Variants in ASTL observed in about 807,000 individuals in gnomAD.
ASTL encodes the protein astacin-like metalloendopeptidase.
ASTL carries 27 observed loss-of-function variants against 36.7 expected under a neutral mutation model. The ratio of observed to expected loss-of-function variants is 0.73; its 90% CI spans 0.54 to 1.01. ASTL has a LOEUF of 1.01. Among genes scored for constraint, ASTL ranks in the 50% least tolerant of loss-of-function variants. The pLI is 0.00. For missense variants in ASTL, 524 were observed against 572.8 expected, an observed-to-expected ratio of 0.91 and a Z score of 0.87; for synonymous variants, 222 against 228.1, an observed-to-expected ratio of 0.97 and a Z score of 0.24.
intron 8 of ASTL, among the ~76,000 whole-genome samples, chr2:96,128,883 T>C (rs2104767360): frequency 6.6e-6 from 1 of 152,220 alleles, no homozygotes; most frequent in Middle Eastern, 3.4e-3. Flanking sequence ...CCACTAAAAA[T>C]ACAAAAATTA....
rs780331214 is a variant in ASTL, at chr2:96,130,015, C to T, written c.720-37G>A. On this transcript the variant is annotated intron_variant, in intron 7 of 8. Coordinates refer to ENST00000342380, the MANE Select transcript of ASTL (RefSeq NM_001002036.4). The stretch of plus-strand genomic sequence containing the variant: ...CGGGAGACCCCTGAGTCCAGATCAC[C>T]ACGGGAGAGGCTGGGGGAAGCAGAG... The T allele has an allele frequency of 2.5e-6, 4 of 1,613,268 alleles. No individual in the cohort carries two copies. In the South Asian group the frequency reaches 3.3e-5, roughly 13 times the overall value.
chr2:96,124,390 G>A lies in ASTL; in HGVS notation c.875-119C>T. 2.3e-6 allele frequency: 2 copies of A among 858,534 alleles called. No individual in the cohort carries two copies. The highest frequency in any genetic ancestry group is 1.7e-6 in the Non-Finnish European group (1 of 602,604). The allele number at this position is 858,534 out of a possible 1,614,324, so 53.2% of individuals were successfully genotyped here. Reference sequence around the variant, plus strand: ...TGGTGCCCACCCATGCCACGGCCTAGTGCATCCAAGACCCAGATTCCCACC... The same window carrying A: ...TGGTGCCCACCCATGCCACGGCCTAATGCATCCAAGACCCAGATTCCCACC... On this transcript the variant is annotated intron_variant, in intron 8 of 8. Transcript: ENST00000342380. This position sits in a 1 kb window ranked among gnomAD's most constrained non-coding sequence, Gnocchi z 4.1.
chr2:96,127,018 G>A (rs1319440193), intron 8 of ASTL, among the ~76,000 whole-genome samples: 1 of 152,138 alleles, frequency 6.6e-6, no homozygotes. Context: ...AAAAACCCAA[G>A]TGTCCCTCAA....
intron 1 of ASTL, 101 bp downstream of exon 1, chr2:96,138,281 C>A (rs1264054056): frequency 2.6e-6 from 3 of 1,142,026 alleles, no homozygotes; most frequent in African/African-American, 1.5e-5. Flanking sequence ...AGCTACTGAG[C>A]TCAGCTACAA....
Position 96,132,402 on chromosome 2 carries a change from G to T in ASTL, c.637+138C>A. On this transcript the variant is annotated intron_variant, in intron 6 of 8. Transcript: ENST00000342380. This position sits in a 1 kb window ranked among gnomAD's most constrained non-coding sequence, Gnocchi z 5.4. ...GGTACCAGGTACCAGACAGAAGTGA[G>T]ACCCCCACCTTCCCCACAGGAAGCA... 1 of 769,794 alleles carries T rather than the reference G, an allele frequency of 1.3e-6. No homozygotes were observed. Among genetic ancestry groups the T allele is most frequent in the Non-Finnish European group, 2.0e-6 (1 of 495,188 alleles). The allele number at this position is 769,794 out of a possible 1,614,324, so 47.7% of individuals were successfully genotyped here. A position where few individuals can be genotyped will look rare whatever the true frequency, so the allele number is the denominator to read the frequency against.
At chr2:96,128,731 G>A (rs1323905684) in intron 8 of ASTL, among the ~76,000 whole-genome samples, 1 of 152,160 alleles carries the variant, frequency 6.6e-6, no homozygotes, top group African/African-American at 2.4e-5. Flanking sequence ...TTTTCCTTCA[G>A]GGATGTCTTG....
In ASTL at chr2:96,137,821, G is replaced by A. The variant is rs2104780132; in HGVS notation, c.56-121C>T. On this transcript the variant is annotated intron_variant, in intron 1 of 8. Transcript: ENST00000342380. ...TAAGACTCAGTCCCTAGGAAGAGTA[G>A]GCTCCAGCACAAAGCCAAGGAGCCT... The A allele has an allele frequency of 5.7e-6, 6 of 1,043,746 alleles. No homozygotes were observed. The South Asian group carries it at 7.9e-5, about 14-fold the overall frequency. The allele number at this position is 1,043,746 out of a possible 1,614,324, so 64.7% of individuals were successfully genotyped here.
rs753291024 is a variant in ASTL at position 96,135,372 on chromosome 2, G to A, written c.222C>T (p.Ile74=). The A allele has an allele frequency of 3.6e-5, 58 of 1,614,050 alleles. 1 individual carries two copies. Among genetic ancestry groups the A allele is most frequent in the Admixed American group, 1.2e-4 (7 of 60,012 alleles). The change falls in exon 3 of 9, where the codon ATC becomes ATT. Residue 74 remains isoleucine, a synonymous_variant. Coordinates refer to ENST00000342380, the MANE Select transcript of ASTL (RefSeq NM_001002036.4). ...LEETPESSFL[I]EGDIIRPSPF... ...TCACCGGCCGGATGATGTCCCCCTC[G>A]ATGAGGAAGCTGCTCTCTGGGGTTT...
intron 2 of ASTL, among the ~76,000 whole-genome samples, chr2:96,136,550 G>A (rs75674705): frequency 2.0e-5 from 3 of 152,194 alleles, no homozygotes; most frequent in Non-Finnish European, 2.9e-5. Context: ...GACCACTCAC[G>A]GTGATCCAGG....
Position 96,124,373 on chromosome 2 carries a change from AC to A in ASTL, c.875-103del. The stretch of plus-strand genomic sequence containing the variant: ...GGCTCAGCTCACAGGAGTGGTGCCC[AC>A]CCATGCCACGGCCTAGTGCATCCAA... On this transcript the variant is annotated intron_variant, in intron 8 of 8. Coordinates refer to ENST00000342380, the MANE Select transcript of ASTL (RefSeq NM_001002036.4). The surrounding 1 kb of genome is among the most constrained non-coding windows in gnomAD (Gnocchi z 4.1). 2 of 1,086,436 alleles carry A rather than the reference AC, an allele frequency of 1.8e-6. No homozygotes were observed. Among genetic ancestry groups the A allele is most frequent in the Non-Finnish European group, 1.2e-6 (1 of 801,824 alleles). The allele number at this position is 1,086,436 out of a possible 1,614,324, so 67.3% of individuals were successfully genotyped here. A position where few individuals can be genotyped will look rare whatever the true frequency, so the allele number is the denominator to read the frequency against.
intron 8 of ASTL, among the ~76,000 whole-genome samples, chr2:96,126,675 G>T (rs894508384): frequency 2.0e-5 from 3 of 152,070 alleles, no homozygotes; most frequent in Non-Finnish European, 4.4e-5. Flanking sequence ...GACCAACATG[G>T]TGAAACCCCA....
rs1219000337 is a variant in ASTL at position 96,129,835 on chromosome 2, G to A, written c.863C>T (p.Pro288Leu). The A allele has an allele frequency of 1.9e-6, 3 of 1,558,752 alleles. No homozygotes were observed. The African/African-American group carries it at 4.1e-5, about 21-fold the overall frequency. Reference protein sequence around the residue: ...LYGCSPSGPRPRGRGSHAHST... With the variant: ...LYGCSPSGPRLRGRGSHAHST... ...GCCATGCCACTCACCTCTCCCACGG[G>A]GCCTGGGGCCACTTGGGCTGCAGCC... is the stretch of plus-strand genomic sequence containing the variant. The change falls in exon 8 of 9, where the codon CCC becomes CTC. Residue 288 changes from proline to leucine, a missense_variant. Transcript: ENST00000342380.
At chr2:96,133,600 G>A (rs1369742931) in intron 4 of ASTL, 58 bp from the exon 5 acceptor site, 43 of 1,229,114 alleles carry the variant, frequency 3.5e-5, no homozygotes, top group Admixed American at 2.5e-4. Flanking sequence ...AGCTCTACCT[G>A]AGGGTCTGGG....
rs747694188 is a variant in ASTL at position 96,124,030 on chromosome 2, T to G, written c.1116A>C (p.Ser372=). Residue 372 remains serine, a synonymous_variant, in exon 9 of 9, where the codon TCA becomes TCC. Transcript: ENST00000342380. This position sits in a 1 kb window ranked among gnomAD's most constrained non-coding sequence, Gnocchi z 4.1. ...QPQTLASSPR[S]RPGAGAPGVA... is the part of the protein sequence containing the mutation. ...CACCGGGGGCACCTGCTCCAGGCCT[T>G]GATCTTGGGGAGGAAGCTAGGGTCT... 1 of 1,613,966 alleles carries G rather than the reference T, an allele frequency of 6.2e-7. No individual in the cohort carries two copies. Among genetic ancestry groups the G allele is most frequent in the South Asian group, 1.1e-5 (1 of 91,076 alleles).
rs867754185 is a variant in ASTL, at chr2:96,124,967, C to T, written c.875-696G>A. On this transcript the variant is annotated intron_variant, in intron 8 of 8. Transcript: ENST00000342380. The surrounding 1 kb of genome is among the most constrained non-coding windows in gnomAD (Gnocchi z 4.1). ...GTCCTGTTAGCCTCACAGCCCACAC[C>T]GCCCTCCAGACCTGGTCAGCACCAG... is the stretch of plus-strand genomic sequence containing the variant. Among the ~76,000 whole-genome samples, 36 of 152,320 alleles carry T rather than the reference C, an allele frequency of 2.4e-4. No homozygotes were observed. The highest frequency in any genetic ancestry group is 6.8e-3 in the Middle Eastern group (2 of 294).
intron 8 of ASTL, among the ~76,000 whole-genome samples, chr2:96,128,103 G>A (rs1405132170): frequency 4.0e-5 from 6 of 149,848 alleles, no homozygotes; most frequent in East Asian, 2.0e-4. Flanking sequence ...ATGGTGGTGC[G>A]TGACTGTAAT....
chr2:96,123,006 T>C lies in ASTL; in HGVS notation c.*844A>G, dbSNP rs1044654985. Reference sequence around the variant, plus strand: ...TTCTTCATGCCTGGGACAAACCTCATGGGGAAAGCCGGAGCTGGGGCAGAG... The same window carrying C: ...TTCTTCATGCCTGGGACAAACCTCACGGGGAAAGCCGGAGCTGGGGCAGAG... On this transcript the variant is annotated 3_prime_UTR_variant, in exon 9 of 9. Coordinates refer to ENST00000342380, the MANE Select transcript of ASTL (RefSeq NM_001002036.4). 1.3e-5 allele frequency among the ~76,000 whole-genome samples: 2 copies of C among 152,170 alleles called. No homozygotes were observed. Among genetic ancestry groups the C allele is most frequent in the Non-Finnish European group, 2.9e-5 (2 of 68,024 alleles).
In ASTL at chr2:96,122,971, C is replaced by T. The variant is rs72825837; in HGVS notation, c.*879G>A. On this transcript the variant is annotated 3_prime_UTR_variant, in exon 9 of 9. Coordinates refer to ENST00000342380, the MANE Select transcript of ASTL (RefSeq NM_001002036.4). ...CTGGCCTAGGCCCACTCATTGGCAC[C>T]CTGGATGCTTTCTTCATGCCTGGGA... Among the ~76,000 whole-genome samples, 4,909 of 152,314 alleles carry T rather than the reference C, an allele frequency of 0.032. 101 individuals are homozygous for T. The highest frequency in any genetic ancestry group is 0.054 in the Middle Eastern group (16 of 294).
intron 6 of ASTL, 49 bp from the exon 7 acceptor site, chr2:96,130,194 C>G (rs767381135): frequency 2.7e-6 from 4 of 1,470,408 alleles, no homozygotes; most frequent in Admixed American, 3.3e-5. Context: ...AGAGGGCAGG[C>G]AAGAAAGGGC....
Sources: allele counts gnomAD v4.1 joint callset (sites outside exome capture counted in the v4.1 genomes callset), GRCh38; gene constraint gnomAD v4.1.1; non-coding constraint Gnocchi (gnomAD v3.1); transcripts MANE v1.5; gene names NCBI Gene and HGNC (gene_info 2026-07-23, HGNC 2026-07-21).